The following SORCS2 variants were observed in gnomAD, a reference collection of about 807,000 sequenced individuals.
SORCS2 encodes sortilin related VPS10 domain containing receptor 2.
In SORCS2, 100 loss-of-function variants were observed where a neutral mutation model predicts 141.6. The observed-to-expected ratio is 0.71, with a 90% CI of 0.60 to 0.83. SORCS2 has a LOEUF of 0.83. Ranked by LOEUF, SORCS2 falls within the 40% of genes least tolerant of loss-of-function variation. The pLI is 0.00. For missense variants in SORCS2, 1,646 were observed against 1,560.2 expected, an observed-to-expected ratio of 1.05 and a Z score of -0.93; for synonymous variants, 789 against 676.9, an observed-to-expected ratio of 1.17 and a Z score of -2.57.
intron 2 of SORCS2, among the ~76,000 whole-genome samples, chr4:7,512,364 TGGAG>T (rs993545758): frequency 1.9e-4 from 9 of 46,978 alleles, no homozygotes; most frequent in South Asian, 1.2e-3. Context: ...GAGGGAGGGA[TGGAG>T]GGAGGGAGGG....
intron 2 of SORCS2, among the ~76,000 whole-genome samples, chr4:7,530,290 C>CA (rs759664681): frequency 2.0e-5 from 3 of 152,220 alleles, no homozygotes; most frequent in Non-Finnish European, 4.4e-5. Context: ...TCAGGCCACA[C>CA]ACGTCAGTGC....
intron 2 of SORCS2, among the ~76,000 whole-genome samples, chr4:7,506,745 G>A (rs932407150): frequency 2.0e-5 from 3 of 152,190 alleles, no homozygotes; most frequent in African/African-American, 4.8e-5. Flanking sequence ...CCCAATAAAC[G>A]TTGCCGGAGA....
chr4:7,723,768 A>G lies in SORCS2; in HGVS notation c.2496A>G (p.Thr832=). 2 of 1,613,968 alleles carry G rather than the reference A, an allele frequency of 1.2e-6. No homozygotes were observed. The highest frequency in any genetic ancestry group is 1.7e-6 in the Non-Finnish European group (2 of 1,179,890). Residue 832 remains threonine (T), a synonymous_variant, in exon 19 of 27, where the codon ACA becomes ACG. Coordinates refer to ENST00000507866, the MANE Select transcript of SORCS2 (RefSeq NM_020777.3). The stretch of plus-strand genomic sequence containing the variant: ...TCAAGGCCATGTACGTGAACCTTAC[A>G]CTGACCGGGGAGCCCATCCGGCACC... ...DGFKAMYVNL[T]LTGEPIRHRY...
At chr4:7,689,289 CT>C (rs141893382) in intron 10 of SORCS2, among the ~76,000 whole-genome samples, 196 bp from the exon 11 acceptor site, 4,215 of 152,270 alleles carry the variant, frequency 0.028, 125 homozygotes, top group Admixed American at 0.08. Context: ...CCTGCTGAAG[CT>C]TCCCTTGTAC....
chr4:7,620,357 G>T (rs933819473), intron 3 of SORCS2, among the ~76,000 whole-genome samples: 1 of 152,168 alleles, frequency 6.6e-6, no homozygotes, highest in Non-Finnish European at 1.5e-5. Context: ...CAGCTTTTTA[G>T]GGTCCCAGCT....
intron 1 of SORCS2, among the ~76,000 whole-genome samples, chr4:7,262,912 G>A (rs1236492142): frequency 2.0e-5 from 3 of 152,218 alleles, no homozygotes; most frequent in South Asian, 2.1e-4. Flanking sequence ...GGGCTCAGAC[G>A]GCCAATGTGG....
At chr4:7,693,088 G>T (rs956725155) in intron 11 of SORCS2, among the ~76,000 whole-genome samples, 2 of 152,182 alleles carry the variant, frequency 1.3e-5, no homozygotes, top group African/African-American at 4.8e-5. Context: ...GGTTCTTCCC[G>T]ACTGGGCGTG....
At chr4:7,645,595 T>C (rs978482036) in intron 4 of SORCS2, among the ~76,000 whole-genome samples, 2 of 152,208 alleles carry the variant, frequency 1.3e-5, no homozygotes, top group African/African-American at 4.8e-5. Flanking sequence ...TCTCTCACAC[T>C]GTCTGTCAGG....
At chr4:7,324,877 G>A (rs992938117) in intron 1 of SORCS2, among the ~76,000 whole-genome samples, 7 of 152,176 alleles carry the variant, frequency 4.6e-5, no homozygotes, top group African/African-American at 1.4e-4. Context: ...TTCCCCAGTC[G>A]ATGCTGCTGG....
chr4:7,474,699 G>A (rs1730184639), intron 2 of SORCS2, among the ~76,000 whole-genome samples: 2 of 152,238 alleles, frequency 1.3e-5, no homozygotes, highest in Admixed American at 6.5e-5. Context: ...GCCTCGTGGA[G>A]CGAGACTGGG....
chr4:7,727,395 T>C (rs533416634), intron 21 of SORCS2, among the ~76,000 whole-genome samples: 31 of 150,512 alleles, frequency 2.1e-4, no homozygotes, highest in African/African-American at 7.4e-4. Context: ...GGGAGATATA[T>C]ACAATACCAA....
At chr4:7,728,270 C>T (rs755857332) in intron 21 of SORCS2, 80 bp from the exon 22 acceptor site, 7 of 999,686 alleles carry the variant, frequency 7.0e-6, no homozygotes, top group Non-Finnish European at 1.1e-5. Context: ...GGGCATGTGG[C>T]TGCCCCCGAC....
chr4:7,528,115 A>C (rs77360714), intron 2 of SORCS2, among the ~76,000 whole-genome samples: 83,929 of 150,080 alleles, frequency 0.56, 23,987 homozygotes, highest in East Asian at 0.97. Context: ...CACAGTGTCC[A>C]CGCTGCCCAT....
chr4:7,506,786 G>A (rs1168094885), intron 2 of SORCS2, among the ~76,000 whole-genome samples: 1 of 152,176 alleles, frequency 6.6e-6, no homozygotes, highest in East Asian at 1.9e-4. Flanking sequence ...CTTCCTGGAG[G>A]TAGCAGACCC....
At chr4:7,282,209 A>G (rs1715928810) in intron 1 of SORCS2, among the ~76,000 whole-genome samples, 1 of 152,188 alleles carries the variant, frequency 6.6e-6, no homozygotes, top group South Asian at 2.1e-4. Flanking sequence ...TGCTGCTGTT[A>G]CCGTCTCTCT....
intron 1 of SORCS2, chr4:7,381,805 C>A (rs1286465591): frequency 3.2e-6 from 2 of 620,124 alleles, no homozygotes; most frequent in Non-Finnish European, 4.0e-6. Context: ...CCATGTGCAG[C>A]CTGAAGGCCA....
At chr4:7,738,620 ACCAC>A (rs1173902818) in intron 26 of SORCS2, among the ~76,000 whole-genome samples, 1 of 152,164 alleles carries the variant, frequency 6.6e-6, no homozygotes, top group Non-Finnish European at 1.5e-5. Flanking sequence ...AGGTCTTGGC[ACCAC>A]CAGCTGCTGC....
chr4:7,392,916 G>A (rs1279208296), intron 1 of SORCS2, among the ~76,000 whole-genome samples: 1 of 150,744 alleles, frequency 6.6e-6, no homozygotes, highest in African/African-American at 2.4e-5. Context: ...GGGGGGTGCT[G>A]CGAGAGAGTG....
intron 2 of SORCS2, among the ~76,000 whole-genome samples, chr4:7,474,216 T>C (rs1250665102): frequency 6.6e-6 from 1 of 152,144 alleles, no homozygotes; most frequent in Non-Finnish European, 1.5e-5. Flanking sequence ...AATGAATGAA[T>C]GTGGGAAGGG....
Sources: gnomAD v4.1 joint callset for allele counts (sites outside exome capture counted in the v4.1 genomes callset) on GRCh38, gnomAD v4.1.1 for gene constraint, MANE v1.5 for transcripts, NCBI Gene and HGNC (gene_info 2026-07-23, HGNC 2026-07-21) for gene names.